KSR1: variants seen among roughly 807,000 people sequenced by gnomAD.
KSR1 encodes the protein kinase suppressor of ras.
In KSR1, 35 loss-of-function variants were observed where a neutral mutation model predicts 92.9. The observed-to-expected ratio is 0.38, with a 90% confidence interval of 0.29 to 0.50. KSR1 has a LOEUF of 0.50. Ranked by LOEUF, KSR1 falls within the 20% of genes least tolerant of loss-of-function variation. The probability of loss-of-function intolerance (pLI) is 0.94; values close to 1 mark genes in which losing one functional copy is unlikely to be tolerated. For missense variants in KSR1, 972 were observed against 1,158.5 expected, an observed-to-expected ratio of 0.84 and a Z score of 2.34; for synonymous variants, 467 against 472.6, an observed-to-expected ratio of 0.99 and a Z score of 0.15.
intron 18 of KSR1, among the ~76,000 whole-genome samples, chr17:27,614,520 A>G (rs2074005283): frequency 6.6e-6 from 1 of 152,260 alleles, no homozygotes; most frequent in African/African-American, 2.4e-5. Context: ...AAGGGCTGCA[A>G]GGGAGTCAAG....
intron 2 of KSR1, among the ~76,000 whole-genome samples, chr17:27,575,855 G>T (rs1211746566): frequency 6.6e-6 from 1 of 152,164 alleles, no homozygotes; most frequent in African/African-American, 2.4e-5. Flanking sequence ...ATCATCTCAT[G>T]GTTCTCTAGG....
Position 27,605,629 on chromosome 17 carries a change from C to T in KSR1, c.1810C>T (p.Arg604Trp), listed in dbSNP as rs928142032. 12 of 1,608,956 alleles carry T rather than the reference C, an allele frequency of 7.5e-6. No homozygotes were observed. The highest frequency in any genetic ancestry group is 2.2e-5 in the East Asian group (1 of 44,724). ...GCCCATCGGGCAGGGCCGCTGGGGC[C>T]GGGTGCACCGCGGCCGCTGGCATGG... ...GEPIGQGRWG[R>W]VHRGRWHGEV... The change falls in exon 14 of 21, where the codon CGG (arginine) becomes TGG (tryptophan). Residue 604 changes from arginine (R) to tryptophan (W), a missense_variant. Arg to Trp is a moderately radical substitution (Grantham distance 101, BLOSUM62 -3). Transcript: ENST00000644974.
chr17:27,604,190 C>T (rs1410854588), intron 12 of KSR1, among the ~76,000 whole-genome samples: 1 of 152,230 alleles, frequency 6.6e-6, no homozygotes. Context: ...AGAGCCCTTT[C>T]TCTACCAGGC....
chr17:27,507,630 G>A (rs866110646), intron 1 of KSR1, among the ~76,000 whole-genome samples: 1 of 110,970 alleles, frequency 9.0e-6, no homozygotes, highest in Non-Finnish European at 1.7e-5. Context: ...AGGCTAGAGT[G>A]CAATGGTGCG....
chr17:27,492,666 A>T (rs2068865147), intron 1 of KSR1, among the ~76,000 whole-genome samples: 1 of 152,202 alleles, frequency 6.6e-6, no homozygotes, highest in Non-Finnish European at 1.5e-5. Context: ...GCCATGAGTT[A>T]GATAAAGCCC....
At chr17:27,592,819 C>T (rs2945376) in intron 9 of KSR1, among the ~76,000 whole-genome samples, 193 bp downstream of exon 9, 63,951 of 152,048 alleles carry the variant, frequency 0.42, 13,598 homozygotes, top group Non-Finnish European at 0.46. Flanking sequence ...GTGGTACAGC[C>T]GTGATTCCCA....
intron 2 of KSR1, among the ~76,000 whole-genome samples, chr17:27,554,333 G>A (rs1395209965): frequency 6.6e-6 from 1 of 152,122 alleles, no homozygotes; most frequent in Non-Finnish European, 1.5e-5. Context: ...CTAAAACAGG[G>A]GACCCATCCC....
chr17:27,524,643 G>A (rs1031282292), intron 1 of KSR1, among the ~76,000 whole-genome samples: 2 of 152,196 alleles, frequency 1.3e-5, no homozygotes, highest in African/African-American at 4.8e-5. Flanking sequence ...CAGGAATTGG[G>A]GAAGAGCAAG....
chr17:27,607,998 G>C lies in KSR1; in HGVS notation c.2079G>C (p.Gln693His). The C allele has an allele frequency of 6.2e-7, 1 of 1,607,586 alleles. No homozygotes were observed. Among genetic ancestry groups the C allele is most frequent in the Non-Finnish European group, 8.5e-7 (1 of 1,176,908 alleles). Residue 693 changes from glutamine (Q) to histidine (H), a missense_variant, in exon 15 of 21, where the codon CAG becomes CAC. Physicochemically the swap from Gln to His is conservative, Grantham distance 24. Coordinates refer to ENST00000644974, the MANE Select transcript of KSR1 (RefSeq NM_001394583.1). ...TCAACAAGACGAGGCAAATCGCTCAGGAGATCATCAAGGTGAGGGGGTGCC... is the reference window on the plus strand; with the variant it reads ...TCAACAAGACGAGGCAAATCGCTCACGAGATCATCAAGGTGAGGGGGTGCC... ...LDINKTRQIA[Q>H]EIIKGMGYLH... is the part of the protein sequence containing the mutation.
At chr17:27,548,566 A>G (rs2071272968) in intron 1 of KSR1, among the ~76,000 whole-genome samples, 2 of 151,160 alleles carry the variant, frequency 1.3e-5, no homozygotes, top group South Asian at 4.2e-4. Context: ...GTGCTGGCTC[A>G]TGCCTGTAAT....
intron 4 of KSR1, chr17:27,583,869 G>T (rs1206696513): frequency 5.7e-6 from 2 of 348,788 alleles, no homozygotes; most frequent in African/African-American, 4.4e-5. Flanking sequence ...TGGCTTCTCA[G>T]GGTACGTGGT....
intron 9 of KSR1, among the ~76,000 whole-genome samples, chr17:27,594,552 G>A (rs950266195): frequency 1.1e-4 from 17 of 152,166 alleles, no homozygotes; most frequent in African/African-American, 2.9e-4. Context: ...GCACCTGCTC[G>A]ACCTCTAAGT....
rs926968044 is a variant in KSR1, at chr17:27,623,665, A to G, written c.*273A>G. On this transcript the variant is annotated 3_prime_UTR_variant, in exon 21 of 21. Coordinates refer to ENST00000644974, the MANE Select transcript of KSR1 (RefSeq NM_001394583.1). ...TCCTGAGTGAACCTGATGTTTTACAATAGGTAATAATAAAAACAGTCTGTG... is the reference window on the plus strand; with the variant it reads ...TCCTGAGTGAACCTGATGTTTTACAGTAGGTAATAATAAAAACAGTCTGTG... 6.7e-6 allele frequency: 4 copies of G among 599,750 alleles called. No homozygotes were observed. The highest frequency in any genetic ancestry group is 2.8e-5 in the East Asian group (1 of 35,604). 37.2% of individuals were successfully genotyped at this position (599,750 alleles called of 1,614,324 possible).
At chr17:27,483,364 G>A (rs2068567335) in intron 1 of KSR1, among the ~76,000 whole-genome samples, 1 of 152,108 alleles carries the variant, frequency 6.6e-6, no homozygotes, top group African/African-American at 2.4e-5. Flanking sequence ...AAGACGGGTG[G>A]ATCACCTGAG....
chr17:27,548,702 C>G (rs755802419), intron 1 of KSR1, among the ~76,000 whole-genome samples: 2 of 152,110 alleles, frequency 1.3e-5, no homozygotes, highest in African/African-American at 2.4e-5. Flanking sequence ...TGGTGGCATG[C>G]GCCTATACTT....
intron 1 of KSR1, among the ~76,000 whole-genome samples, chr17:27,519,055 G>A (rs1290775972): frequency 6.6e-6 from 1 of 152,168 alleles, no homozygotes; most frequent in Non-Finnish European, 1.5e-5. Flanking sequence ...CTGAAGCCCT[G>A]GTTCCTCTCA....
At chr17:27,584,101 G>GA in intron 4 of KSR1, 1 of 471,900 alleles carries the variant, frequency 2.1e-6, no homozygotes, top group Non-Finnish European at 2.8e-6. Context: ...TGGCAGCACA[G>GA]AAAGAAAGGG....
chr17:27,456,564 C>T lies in KSR1; in HGVS notation c.-80C>T, dbSNP rs1597808493. On this transcript the variant is annotated 5_prime_UTR_variant, in exon 1 of 21. Coordinates refer to ENST00000644974, the MANE Select transcript of KSR1 (RefSeq NM_001394583.1). The stretch of plus-strand genomic sequence containing the variant: ...GCCGAGGGGCGCTCCTGGTCCAGCT[C>T]TCCTGGCTCGGGGGTTCCTTGCCGA... 9 of 453,110 alleles carry T rather than the reference C, an allele frequency of 2.0e-5. No homozygotes were observed. The East Asian group carries it at 3.4e-4, about 17-fold the overall frequency. The allele number at this position is 453,110 out of a possible 1,614,324, so 28.1% of individuals were successfully genotyped here.
intron 1 of KSR1, among the ~76,000 whole-genome samples, chr17:27,491,304 GGTGTGTGTGTGTGTGTGTGT>G (rs60738939): frequency 1.5e-4 from 16 of 110,104 alleles, no homozygotes; most frequent in East Asian, 1.3e-3. Flanking sequence ...TTTTGTTAGT[GGTGTGTGTGTGTGTGTGTGT>G]GTGTGTGTGT....
Sources: allele counts gnomAD v4.1 joint callset (sites outside exome capture counted in the v4.1 genomes callset), GRCh38; gene constraint gnomAD v4.1.1; transcripts MANE v1.5; gene names NCBI Gene and HGNC (gene_info 2026-07-23, HGNC 2026-07-21).